Variants in ANKFN1 observed in about 807,000 individuals in gnomAD.
ANKFN1 encodes the protein ankyrin repeat and fibronectin type III domain containing 1.
Under a neutral mutation model 108.7 loss-of-function variants are expected in ANKFN1, and 74 were observed. The ratio of observed to expected loss-of-function variants is 0.68; its 90% CI spans 0.56 to 0.83. The LOEUF (loss-of-function observed/expected upper bound fraction) is 0.83. ANKFN1 is among the 40% of genes least tolerant of loss of function. The pLI is 0.00. For missense variants in ANKFN1, 1,505 were observed against 1,382.3 expected, an observed-to-expected ratio of 1.09 and a Z score of -1.41; for synonymous variants, 547 against 516.2, an observed-to-expected ratio of 1.06 and a Z score of -0.81.
intron 1 of ANKFN1, among the ~76,000 whole-genome samples, chr17:56,188,581 G>GTGTGTGTATATATATATATA (rs1212242378): frequency 6.0e-5 from 3 of 49,652 alleles, no homozygotes; most frequent in Admixed American, 2.8e-4. Flanking sequence ...GTGTGTGTGT[G>GTGTGTGTATATATATATATA]TATATATATA....
intron 4 of ANKFN1, among the ~76,000 whole-genome samples, chr17:56,134,069 G>A (rs1459659666): frequency 1.3e-5 from 2 of 152,120 alleles, no homozygotes; most frequent in Non-Finnish European, 2.9e-5. Context: ...GTAAATTGTG[G>A]TTCTGACGAC....
intron 3 of ANKFN1, among the ~76,000 whole-genome samples, chr17:56,313,138 G>T (rs1278769185): frequency 1.4e-5 from 2 of 145,980 alleles, no homozygotes; most frequent in Non-Finnish European, 1.5e-5. Flanking sequence ...GGGCAACAGA[G>T]CGAGAATCCA....
intron 1 of ANKFN1, among the ~76,000 whole-genome samples, chr17:56,204,775 G>A (rs1280791853): frequency 6.6e-6 from 1 of 151,832 alleles, no homozygotes; most frequent in Non-Finnish European, 1.5e-5. Context: ...AGCACCACTG[G>A]TTTTAAAAAC....
chr17:56,192,964 G>A (rs1294823682), intron 1 of ANKFN1, among the ~76,000 whole-genome samples: 7 of 142,900 alleles, frequency 4.9e-5, no homozygotes, highest in African/African-American at 1.9e-4. Context: ...TATGTTTATT[G>A]TGGCATTATT....
At chr17:56,094,530 C>A (rs1905486550) in intron 4 of ANKFN1, among the ~76,000 whole-genome samples, 1 of 120,628 alleles carries the variant, frequency 8.3e-6, no homozygotes, top group African/African-American at 3.1e-5. Context: ...GCCAGGCTGC[C>A]AGGCTGCCAG....
chr17:56,138,206 G>C (rs1193513541), intron 4 of ANKFN1, among the ~76,000 whole-genome samples: 1 of 152,146 alleles, frequency 6.6e-6, no homozygotes, highest in Non-Finnish European at 1.5e-5. Flanking sequence ...TCCCACTGAA[G>C]ATAAAAGGAA....
chr17:56,228,193 A>G (rs1916429392), intron 3 of ANKFN1: 4 of 431,702 alleles, frequency 9.3e-6, no homozygotes, highest in Non-Finnish European at 1.2e-5. Context: ...CTAAAGGTAG[A>G]TAAAAGTGAG....
chr17:56,356,774 T>C lies in ANKFN1; in HGVS notation c.601+2728T>C, dbSNP rs570078680. 1.4e-4 allele frequency among the ~76,000 whole-genome samples: 22 copies of C among 152,254 alleles called. No homozygotes were observed. In the South Asian group the frequency reaches 4.6e-3, roughly 32 times the overall value. On this transcript the variant is annotated intron_variant, in intron 6 of 20. Coordinates refer to ENST00000682825, the MANE Select transcript of ANKFN1 (RefSeq NM_001370326.1). Reference sequence around the variant, plus strand: ...CAGTGACAGAAGGGTGGAGAGAGAATCAGAGGGTCTGAACATGGAGAATGC... The same window carrying C: ...CAGTGACAGAAGGGTGGAGAGAGAACCAGAGGGTCTGAACATGGAGAATGC...
intron 6 of ANKFN1, among the ~76,000 whole-genome samples, chr17:56,355,443 T>C (rs972593661): frequency 1.3e-5 from 2 of 151,982 alleles, no homozygotes; most frequent in Middle Eastern, 3.2e-3. Context: ...AAAAAGTCAG[T>C]GGGTCCAAAG....
At chr17:56,110,733 G>A (rs887519057) in intron 4 of ANKFN1, among the ~76,000 whole-genome samples, 2 of 152,172 alleles carry the variant, frequency 1.3e-5, no homozygotes, top group African/African-American at 4.8e-5. Context: ...CATGCTGCAG[G>A]TAACAATGTA....
chr17:56,271,993 G>C (rs753434950), intron 3 of ANKFN1, among the ~76,000 whole-genome samples: 16 of 152,148 alleles, frequency 1.1e-4, no homozygotes, highest in Non-Finnish European at 1.9e-4. Context: ...GTTGTTACTG[G>C]AGAGACTACA....
intron 1 of ANKFN1, among the ~76,000 whole-genome samples, chr17:56,191,949 T>G (rs146446626): frequency 0.16 from 24,626 of 151,622 alleles, 3,221 homozygotes; most frequent in African/African-American, 0.36. Context: ...CCCTTCTCGC[T>G]TCATTTCATT....
chr17:56,296,171 T>C (rs12600450), intron 3 of ANKFN1, among the ~76,000 whole-genome samples: 28,630 of 152,084 alleles, frequency 0.19, 3,576 homozygotes, highest in African/African-American at 0.37. Context: ...CCTGCACATG[T>C]TCCCTGTGAT....
chr17:56,054,341 C>T (rs1362783566), intron 4 of ANKFN1, among the ~76,000 whole-genome samples: 1 of 152,176 alleles, frequency 6.6e-6, no homozygotes, highest in Non-Finnish European at 1.5e-5. Flanking sequence ...TCTTATTTCA[C>T]CAAGAAACTC....
chr17:56,165,766 T>A (rs904957309), intron 1 of ANKFN1, among the ~76,000 whole-genome samples: 1 of 152,132 alleles, frequency 6.6e-6, no homozygotes, highest in Non-Finnish European at 1.5e-5. Context: ...TGGAGGAAAA[T>A]GTTCTTTTCA....
chr17:56,049,878 A>G (rs1904744622), intron 4 of ANKFN1, among the ~76,000 whole-genome samples: 2 of 151,334 alleles, frequency 1.3e-5, no homozygotes, highest in South Asian at 4.2e-4. Flanking sequence ...TTATAGCAGC[A>G]TGATTTATAG....
At chr17:56,189,900 A>G (rs1315152508) in intron 1 of ANKFN1, among the ~76,000 whole-genome samples, 3 of 152,204 alleles carry the variant, frequency 2.0e-5, no homozygotes, top group East Asian at 3.9e-4. Context: ...CCACATAAAT[A>G]TAGTCAACTG....
intron 1 of ANKFN1, among the ~76,000 whole-genome samples, chr17:56,181,870 A>C (rs1467866122): frequency 1.3e-5 from 2 of 152,158 alleles, no homozygotes; most frequent in Non-Finnish European, 2.9e-5. Flanking sequence ...TCATTTTTCC[A>C]ATAGAATGTG....
chr17:56,155,518 C>T (rs957452334), intron 1 of ANKFN1, among the ~76,000 whole-genome samples: 6 of 152,072 alleles, frequency 3.9e-5, no homozygotes, highest in African/African-American at 9.7e-5. Context: ...TTCTGGATAG[C>T]GTGGTCAGGA....
Sources: allele counts gnomAD v4.1 joint callset (sites outside exome capture counted in the v4.1 genomes callset), GRCh38; gene constraint gnomAD v4.1.1; transcripts MANE v1.5; gene names NCBI Gene and HGNC (gene_info 2026-07-23, HGNC 2026-07-21).